The following DOCK8 variants were observed in gnomAD, a reference collection of about 807,000 sequenced individuals.
The protein encoded by DOCK8 is dedicator of cytokinesis 8.
In DOCK8, 141 loss-of-function variants were observed where a neutral mutation model predicts 245.6. The observed-to-expected ratio is 0.57, with a 90% CI of 0.50 to 0.66. DOCK8 has a LOEUF of 0.66. Among genes scored for constraint, DOCK8 ranks in the 30% least tolerant of loss-of-function variants. The probability of loss-of-function intolerance (pLI) is 0.00; values close to 1 mark genes in which losing one functional copy is unlikely to be tolerated. For missense variants in DOCK8, 2,965 were observed against 2,603.4 expected (o/e 1.14, Z -3.02); for synonymous variants, 1,168 against 970.2 (o/e 1.20, Z -3.79).
intron 1 of DOCK8, among the ~76,000 whole-genome samples, chr9:218,234 G>C (rs751379895): frequency 6.6e-6 from 1 of 152,122 alleles, no homozygotes; most frequent in Non-Finnish European, 1.5e-5. Context: ...ACTCAGAATA[G>C]TGTAAACTAT....
rs115711461 is a variant in DOCK8 at position 397,395 on chromosome 9, A to G, written c.3120+461A>G. Among the ~76,000 whole-genome samples the G allele has an allele frequency of 4.7e-3, 708 of 150,612 alleles. 2 individuals are homozygous for G. The highest frequency in any genetic ancestry group is 0.02 in the Middle Eastern group (6 of 294). On this transcript the variant is annotated intron_variant, in intron 25 of 47. Transcript: ENST00000432829. ...AATTGCAATATGGACTGTGGTTTAA[A>G]TGATCATATCAGGCTGGGTGCAGTG...
chr9:434,688 C>T (rs1490016184), intron 38 of DOCK8, 95 bp from the exon 39 acceptor site: 6 of 1,356,966 alleles, frequency 4.4e-6, no homozygotes, highest in Non-Finnish European at 6.2e-6. Context: ...ACAGGGAACT[C>T]TTGGGGAGAA....
intron 5 of DOCK8, among the ~76,000 whole-genome samples, chr9:309,806 C>T (rs977273396): frequency 6.6e-6 from 1 of 152,200 alleles, no homozygotes; most frequent in East Asian, 1.9e-4. Flanking sequence ...TTGGAAGGCT[C>T]CTCACAAATC....
At chr9:261,847 C>G (rs2047924186) in intron 1 of DOCK8, among the ~76,000 whole-genome samples, 1 of 152,090 alleles carries the variant, frequency 6.6e-6, no homozygotes, top group Non-Finnish European at 1.5e-5. Flanking sequence ...GGAAATGTCT[C>G]TCTCTTCGGT....
intron 26 of DOCK8, among the ~76,000 whole-genome samples, chr9:401,140 C>G (rs1288451940): frequency 6.6e-6 from 1 of 152,196 alleles, no homozygotes; most frequent in African/African-American, 2.4e-5. Flanking sequence ...TGGTTAGTCA[C>G]TTAGTGACTT....
At chr9:385,873 A>T (rs1282269003) in intron 22 of DOCK8, among the ~76,000 whole-genome samples, 1 of 152,160 alleles carries the variant, frequency 6.6e-6, no homozygotes, top group African/African-American at 2.4e-5. Context: ...CAATTTTCGA[A>T]TTATTTTGTT....
At chr9:405,579 C>T (rs1344818608) in intron 27 of DOCK8, among the ~76,000 whole-genome samples, 1 of 152,042 alleles carries the variant, frequency 6.6e-6, no homozygotes. Flanking sequence ...ACATGGAAAC[C>T]CCACCCCACC....
At position 215,135 on chromosome 9, in the gene DOCK8, G is replaced by C. The variant is rs574378835; in HGVS notation, c.53+106G>C. ...AGGCCGGACGAGTCCATTCGCGTCC[G>C]CGGCGGGGCGCGCCTGAGACCTGGG... On this transcript the variant is annotated intron_variant, in intron 1 of 47. Coordinates refer to ENST00000432829, the MANE Select transcript of DOCK8 (RefSeq NM_203447.4). The C allele has an allele frequency of 3.2e-4, 469 of 1,464,628 alleles. 1 individual carries two copies. The African/African-American group carries it at 6.4e-3, about 20-fold the overall frequency. The allele number at this position is 1,464,628 out of a possible 1,614,324, so 90.7% of individuals were successfully genotyped here.
At chr9:271,531 C>G in intron 1 of DOCK8, 96 bp from the exon 2 acceptor site, 1 of 972,476 alleles carries the variant, frequency 1.0e-6, no homozygotes, top group Non-Finnish European at 1.6e-6. Flanking sequence ...CCAGCCAAGG[C>G]CTACGTTTTA....
In DOCK8 at chr9:332,262, T is replaced by A. The variant is rs1239104784; in HGVS notation, c.1045-136T>A. 6.3e-6 allele frequency: 4 copies of A among 637,720 alleles called. No homozygotes were observed. The East Asian group carries it at 8.5e-5, about 14-fold the overall frequency. 39.5% of individuals were successfully genotyped at this position (637,720 alleles called of 1,614,324 possible). A position where few individuals can be genotyped will look rare whatever the true frequency, so the allele number is the denominator to read the frequency against. ...TATGCTATTCTTTATATAAATTTTT[T>A]AATAAAAAAATATGTATCACAGATA... On this transcript the variant is annotated intron_variant, in intron 9 of 47. Coordinates refer to ENST00000432829, the MANE Select transcript of DOCK8 (RefSeq NM_203447.4).
intron 25 of DOCK8, among the ~76,000 whole-genome samples, chr9:397,213 A>G (rs2054502677): frequency 6.6e-6 from 1 of 151,504 alleles, no homozygotes; most frequent in African/African-American, 2.4e-5. Flanking sequence ...TTAGCTGAGC[A>G]TGGTTGTGCA....
chr9:284,085 A>G (rs926102126), intron 2 of DOCK8, among the ~76,000 whole-genome samples: 1 of 152,218 alleles, frequency 6.6e-6, no homozygotes, highest in Non-Finnish European at 1.5e-5. Flanking sequence ...GCTGGAAAAA[A>G]TGCAGTTTCA....
At position 382,642 on chromosome 9, in the gene DOCK8, A is replaced by G. The variant is rs1198047659; in HGVS notation, c.2735A>G (p.His912Arg). The change falls in exon 22 of 48, where the codon CAC becomes CGC. Residue 912 changes from histidine (H) to arginine (R), a missense_variant. By Grantham distance (29) the His-to-Arg change is conservative. Transcript: ENST00000432829. ...AGTAACCCAGACCTCGCGGGGACAC[A>G]CTCCGCAGCAGACGAGGAAGTGAAG... Reference protein sequence around the residue: ...SSSNPDLAGTHSAADEEVKNI... With the variant: ...SSSNPDLAGTRSAADEEVKNI... 6 of 1,613,968 alleles carry G rather than the reference A, an allele frequency of 3.7e-6. No homozygotes were observed. The highest frequency in any genetic ancestry group is 3.3e-5 in the Admixed American group (2 of 59,988).
At position 405,048 on chromosome 9, in the gene DOCK8, C is replaced by A; in HGVS notation, c.3365C>A (p.Ser1122Tyr). 6.2e-7 allele frequency: 1 copy of A among 1,613,838 alleles called. No individual in the cohort carries two copies. Among genetic ancestry groups the A allele is most frequent in the South Asian group, 1.1e-5 (1 of 91,070 alleles). Reference sequence around the variant, plus strand: ...ATGAATGCTGATACTGCTCCAACATCTCCTTGTCCTTCCATATCTTCCCAG... The same window carrying A: ...ATGAATGCTGATACTGCTCCAACATATCCTTGTCCTTCCATATCTTCCCAG... ...FFMNADTAPTSPCPSISSQNS... is the reference protein window; with the variant it reads ...FFMNADTAPTYPCPSISSQNS... Residue 1122 changes from serine (S) to tyrosine (Y), a missense_variant, in exon 27 of 48, where the codon TCT becomes TAT. By Grantham distance (144) the Ser-to-Tyr change is moderately radical. Coordinates refer to ENST00000432829, the MANE Select transcript of DOCK8 (RefSeq NM_203447.4).
intron 1 of DOCK8, among the ~76,000 whole-genome samples, chr9:268,752 T>C (rs2048090889): frequency 6.6e-6 from 1 of 152,202 alleles, no homozygotes; most frequent in Admixed American, 6.5e-5. Context: ...TTTGGCTTGG[T>C]TGTGTTGGCC....
In DOCK8 at chr9:433,965, C is replaced by A. The variant is rs2056806823; in HGVS notation, c.4876C>A (p.Leu1626Ile). 1 of 1,612,940 alleles carries A rather than the reference C, an allele frequency of 6.2e-7. No individual in the cohort carries two copies. The highest frequency in any genetic ancestry group is 8.5e-7 in the Non-Finnish European group (1 of 1,179,058). The stretch of plus-strand genomic sequence containing the variant: ...GGAAGATCCTGAGATGCTTATGGAT[C>A]TCATGTACAGGTAAGCTTTCCTGAC... ...FQEDPEMLMD[L>I]MYRIAKSYQA... The change falls in exon 38 of 48, where the codon CTC becomes ATC. Residue 1626 changes from leucine to isoleucine, a missense_variant. Coordinates refer to ENST00000432829, the MANE Select transcript of DOCK8 (RefSeq NM_203447.4).
In DOCK8 at chr9:240,380, G is replaced by GT. The variant is rs1327552696; in HGVS notation, c.53+25362dup. On this transcript the variant is annotated intron_variant, in intron 1 of 47. Transcript: ENST00000432829. Reference sequence around the variant, plus strand: ...ATTCCTTAAGTTCCCTGTGGCCACAGTTTTTTTTTTTAATGAATGTTTTTC... The same window carrying GT: ...ATTCCTTAAGTTCCCTGTGGCCACAGTTTTTTTTTTTTAATGAATGTTTTTC... Among the ~76,000 whole-genome samples, 1,376 of 145,814 alleles carry GT rather than the reference G, an allele frequency of 9.4e-3. 13 individuals are homozygous for GT. Among genetic ancestry groups the GT allele is most frequent in the African/African-American group, 0.027 (1,100 of 40,188 alleles).
chr9:236,950 G>T (rs2047265384), intron 1 of DOCK8, among the ~76,000 whole-genome samples: 1 of 152,180 alleles, frequency 6.6e-6, no homozygotes, highest in Non-Finnish European at 1.5e-5. Context: ...ACTTCCCTGG[G>T]GAGGACTGCT....
intron 2 of DOCK8, among the ~76,000 whole-genome samples, chr9:275,448 A>T (rs1382850395): frequency 6.6e-5 from 10 of 152,134 alleles, no homozygotes; most frequent in African/African-American, 2.4e-4. Flanking sequence ...CCCTGACTGG[A>T]CATTAAAATT....
Sources: allele counts gnomAD v4.1 joint callset (sites outside exome capture counted in the v4.1 genomes callset), GRCh38; gene constraint gnomAD v4.1.1; transcripts MANE v1.5; gene names NCBI Gene and HGNC (gene_info 2026-07-23, HGNC 2026-07-21).